LYZ: variants seen among roughly 807,000 people sequenced by gnomAD.
LYZ encodes the protein lysozyme C.
A neutral mutation model predicts 15.8 loss-of-function variants in LYZ; 18 were observed. The observed-to-expected ratio is 1.14, with a 90% confidence interval of 0.79 to 1.69. LYZ has a LOEUF of 1.69. Ranked by LOEUF, LYZ falls within the 40% of genes most tolerant of loss-of-function variation. The pLI is 0.00. For missense variants in LYZ, 139 were observed against 182.8 expected, an observed-to-expected ratio of 0.76 and a Z score of 1.38; for synonymous variants, 60 against 61.7, an observed-to-expected ratio of 0.97 and a Z score of 0.13.
At chr12:69,352,185 A>G (rs753567842) in intron 2 of LYZ, 35 bp from the exon 3 acceptor site, 4 of 1,465,544 alleles carry the variant, frequency 2.7e-6, no homozygotes, top group South Asian at 1.1e-5. Flanking sequence ...TAAAATATCT[A>G]TTAAAGTTTT....
chr12:69,350,547 T>A, intron 2 of LYZ: 1 of 385,360 alleles, frequency 2.6e-6, no homozygotes, highest in Non-Finnish European at 4.8e-6. Flanking sequence ...ACAATGCCAT[T>A]GCTCCTGCTT....
At chr12:69,349,287 A>G (rs898739767) in intron 1 of LYZ, among the ~76,000 whole-genome samples, 1 of 152,106 alleles carries the variant, frequency 6.6e-6, no homozygotes, top group Non-Finnish European at 1.5e-5. Context: ...ACAGGTGTGA[A>G]CCACTGCACC....
At chr12:69,350,958 A>G (rs1413923861) in intron 2 of LYZ, among the ~76,000 whole-genome samples, 1 of 151,776 alleles carries the variant, frequency 6.6e-6, no homozygotes, top group East Asian at 1.9e-4. Flanking sequence ...AATTTTTAGT[A>G]CAGGCAAATT....
rs548282749 is a variant in LYZ at position 69,352,355 on chromosome 12, T to C, written c.380+57T>C. On this transcript the variant is annotated intron_variant, in intron 3 of 3. Transcript: ENST00000261267. ...CTTACTCTACTGTTGATATATACAATGAGAGCAGACTTTTAAAGACCAAAG... is the reference window on the plus strand; with the variant it reads ...CTTACTCTACTGTTGATATATACAACGAGAGCAGACTTTTAAAGACCAAAG... 8.6e-5 allele frequency: 122 copies of C among 1,414,520 alleles called. 1 individual carries two copies. The East Asian group carries it at 2.7e-3, about 32-fold the overall frequency. The allele number at this position is 1,414,520 out of a possible 1,614,324, so 87.6% of individuals were successfully genotyped here.
At chr12:69,352,814 G>A (rs1406529746) in intron 3 of LYZ, among the ~76,000 whole-genome samples, 2 of 152,230 alleles carry the variant, frequency 1.3e-5, no homozygotes, top group African/African-American at 4.8e-5. Flanking sequence ...GGTGGAGGTT[G>A]CAGAGGATTG....
At position 69,353,485 on chromosome 12, in the gene LYZ, G is replaced by C. The variant is rs188313797; in HGVS notation, c.*266G>C. On this transcript the variant is annotated 3_prime_UTR_variant, in exon 4 of 4. Coordinates refer to ENST00000261267, the MANE Select transcript of LYZ (RefSeq NM_000239.3). ...ACCTTGGTTATCAAATACATCTCCA[G>C]TACATTCCGTTCTTTTTTTTTTTGA... 6.0e-5 allele frequency: 20 copies of C among 332,840 alleles called. No homozygotes were observed. The highest frequency in any genetic ancestry group is 1.4e-4 in the South Asian group (4 of 29,234). The allele number at this position is 332,840 out of a possible 1,614,324, so 20.6% of individuals were successfully genotyped here. A position where few individuals can be genotyped will look rare whatever the true frequency, so the allele number is the denominator to read the frequency against.
At chr12:69,348,981 GATTTTTATTTTT>G (rs910264465) in intron 1 of LYZ, among the ~76,000 whole-genome samples, 9 of 125,552 alleles carry the variant, frequency 7.2e-5, no homozygotes, top group African/African-American at 3.9e-4. Context: ...CGTGATGTGG[GATTTTTATTTTT>G]ATTTTTATTT....
In LYZ at chr12:69,353,222, C is replaced by T. The variant is rs781174522; in HGVS notation, c.*3C>T. The T allele has an allele frequency of 2.6e-5, 42 of 1,612,384 alleles. No individual in the cohort carries two copies. The highest frequency in any genetic ancestry group is 3.4e-5 in the Non-Finnish European group (40 of 1,178,594). On this transcript the variant is annotated 3_prime_UTR_variant, in exon 4 of 4. Coordinates refer to ENST00000261267, the MANE Select transcript of LYZ (RefSeq NM_000239.3). ...ATGTTCAAGGTTGTGGAGTGTAACT[C>T]CAGAATTTTCCTTCTTCAGCTCATT...
chr12:69,348,624 C>T lies in LYZ; in HGVS notation c.136+80C>T, dbSNP rs1874777162. On this transcript the variant is annotated intron_variant, in intron 1 of 3. Transcript: ENST00000261267. The stretch of plus-strand genomic sequence containing the variant: ...GGAGAGAAGGAAGAAGAAGAAGGGG[C>T]TTTGAGTGAATAGATGTTTTATTTC... 7.3e-6 allele frequency: 11 copies of T among 1,507,416 alleles called. No individual in the cohort carries two copies. In the Admixed American group the frequency reaches 1.8e-4, roughly 24 times the overall value. 93.4% of individuals were successfully genotyped at this position (1,507,416 alleles called of 1,614,324 possible).
rs1309246142 is a variant in LYZ, at chr12:69,353,288, G to A, written c.*69G>A. The A allele has an allele frequency of 1.8e-6, 2 of 1,138,670 alleles. No homozygotes were observed. The highest frequency in any genetic ancestry group is 3.1e-5 in the African/African-American group (2 of 65,570). The allele number at this position is 1,138,670 out of a possible 1,614,324, so 70.5% of individuals were successfully genotyped here. On this transcript the variant is annotated 3_prime_UTR_variant, in exon 4 of 4. Transcript: ENST00000261267. ...TAAGGGAGTAGGAATTAAGTGAAAGGTCACACTACCATTATTTCCCCTTCA... is the reference window on the plus strand; with the variant it reads ...TAAGGGAGTAGGAATTAAGTGAAAGATCACACTACCATTATTTCCCCTTCA...
intron 2 of LYZ, chr12:69,350,613 C>CTT: frequency 6.7e-5 from 16 of 238,630 alleles, no homozygotes; most frequent in South Asian, 1.0e-4. Context: ...AATTGTTTTA[C>CTT]TTTTTTTTTT....
chr12:69,350,147 G>T lies in LYZ; in HGVS notation c.176G>T (p.Arg59Leu). Residue 59 changes from arginine (R) to leucine (L), a missense_variant, in exon 2 of 4, where the codon CGA (arginine) becomes CTA (leucine). Arg to Leu is a moderately radical substitution (Grantham distance 102). Transcript: ENST00000261267. ...AAATGGGAGAGTGGTTACAACACAC[G>T]AGCTACAAACTACAATGCTGGAGAC... ...LAKWESGYNT[R>L]ATNYNAGDRS... 1 of 1,614,068 alleles carries T rather than the reference G, an allele frequency of 6.2e-7. No homozygotes were observed. Among genetic ancestry groups the T allele is most frequent in the South Asian group, 1.1e-5 (1 of 91,070 alleles).
chr12:69,351,584 T>C (rs1454514044), intron 2 of LYZ, among the ~76,000 whole-genome samples: 1 of 152,134 alleles, frequency 6.6e-6, no homozygotes, highest in African/African-American at 2.4e-5. Flanking sequence ...ATGTAAATAC[T>C]GTGTGCTTTT....
At chr12:69,350,526 C>CAGTAAA in intron 2 of LYZ, 1 of 450,094 alleles carries the variant, frequency 2.2e-6, no homozygotes, top group Non-Finnish European at 4.1e-6. Flanking sequence ...CTTACTGATG[C>CAGTAAA]TTTGTCCAGA....
intron 2 of LYZ, 178 bp downstream of exon 2, chr12:69,350,450 T>G: frequency 9.4e-6 from 6 of 640,592 alleles, no homozygotes; most frequent in Non-Finnish European, 1.3e-5. Context: ...AGTGGTATCA[T>G]AAAAGGTTGA....
intron 3 of LYZ, 137 bp from the exon 4 acceptor site, chr12:69,353,016 T>C (rs2120835736): frequency 2.8e-6 from 2 of 717,844 alleles, no homozygotes; most frequent in East Asian, 5.3e-5. Context: ...CTTCATTTAA[T>C]AAATAGCAAT....
At chr12:69,351,323 T>C (rs1191798993) in intron 2 of LYZ, among the ~76,000 whole-genome samples, 1 of 151,852 alleles carries the variant, frequency 6.6e-6, no homozygotes, top group Non-Finnish European at 1.5e-5. Context: ...TTGTTAAATA[T>C]TAAAATTCCC....
intron 2 of LYZ, among the ~76,000 whole-genome samples, chr12:69,350,851 C>A (rs1480571891): frequency 6.7e-6 from 1 of 148,546 alleles, no homozygotes; most frequent in Non-Finnish European, 1.5e-5. Flanking sequence ...GCAGTGGCAC[C>A]ATCACAGCTC....
chr12:69,351,254 A>T (rs1874838608), intron 2 of LYZ, among the ~76,000 whole-genome samples: 1 of 152,144 alleles, frequency 6.6e-6, no homozygotes, highest in Non-Finnish European at 1.5e-5. Context: ...TAGAAATACC[A>T]TGTGGAATCC....
Sources: allele counts gnomAD v4.1 joint callset (sites outside exome capture counted in the v4.1 genomes callset), GRCh38; gene constraint gnomAD v4.1.1; transcripts MANE v1.5; gene names NCBI Gene and HGNC (gene_info 2026-07-23, HGNC 2026-07-21).